The following PRKN variants were observed in gnomAD, a reference collection of about 807,000 sequenced individuals.
PRKN encodes the protein parkin RBR E3 ubiquitin protein ligase, also known as E3 ubiquitin-protein ligase parkin.
Under a neutral mutation model 59.5 loss-of-function variants are expected in PRKN, and 56 were observed. That is an observed-to-expected ratio of 0.94 (90% CI 0.76 to 1.18). The LOEUF (loss-of-function observed/expected upper bound fraction) is 1.18, where lower values mean the gene tolerates loss of function less well. PRKN is among the 50% of genes most tolerant of loss of function. The probability of loss-of-function intolerance (pLI) is 0.00; values close to 1 mark genes in which losing one functional copy is unlikely to be tolerated. For synonymous variants in PRKN, 250 were observed against 222.1 expected (o/e 1.13, Z -1.12); for missense variants, 657 against 596.4 (o/e 1.10, Z -1.06).
intron 5 of PRKN, among the ~76,000 whole-genome samples, chr6:162,011,089 TA>T (rs1162049615): frequency 3.0e-4 from 4 of 13,176 alleles, no homozygotes; most frequent in African/African-American, 1.4e-3. Context: ...ATATATATTA[TA>T]ATATATAATA....
At chr6:161,620,607 C>T (rs114925423) in intron 7 of PRKN, among the ~76,000 whole-genome samples, 1 of 152,058 alleles carries the variant, frequency 6.6e-6, no homozygotes, top group Non-Finnish European at 1.5e-5. Context: ...CAGAGGAATC[C>T]GAATCTCCAC....
rs1326651115 is a variant in PRKN at position 162,535,455 on chromosome 6, G to A, written c.8-91982C>T. On this transcript the variant is annotated intron_variant, in intron 1 of 11. Transcript: ENST00000366898. Reference sequence around the variant, plus strand: ...ACACATATATAATGACCTCATGCAAGATCATCTGTCTCTCAGAGTACCCAT... The same window carrying A: ...ACACATATATAATGACCTCATGCAAAATCATCTGTCTCTCAGAGTACCCAT... 1.3e-5 allele frequency among the ~76,000 whole-genome samples: 2 copies of A among 151,962 alleles called. 1 individual carries two copies. Among genetic ancestry groups the A allele is most frequent in the Non-Finnish European group, 2.9e-5 (2 of 68,008 alleles).
At chr6:162,248,569 T>C (rs569708850) in intron 3 of PRKN, among the ~76,000 whole-genome samples, 4 of 152,238 alleles carry the variant, frequency 2.6e-5, no homozygotes, top group African/African-American at 9.6e-5. Flanking sequence ...CTTCAAAGAA[T>C]AGACTCTTGG....
At position 161,359,985 on chromosome 6, in the gene PRKN, G is replaced by A; in HGVS notation, c.1285+103C>T. ...ATCGAGGGGTTACCCAACACACCAG[G>A]CACCTTCAGACAGCATCTCCTTTAA... On this transcript the variant is annotated intron_variant, in intron 11 of 11. Coordinates refer to ENST00000366898, the MANE Select transcript of PRKN (RefSeq NM_004562.3). This position sits in a 1 kb window ranked among gnomAD's most constrained non-coding sequence, Gnocchi z 5.4. The A allele has an allele frequency of 1.2e-6, 1 of 857,894 alleles. No homozygotes were observed. The highest frequency in any genetic ancestry group is 2.0e-6 in the Non-Finnish European group (1 of 493,108). 53.1% of individuals were successfully genotyped at this position (857,894 alleles called of 1,614,324 possible).
Position 162,329,287 on chromosome 6 carries a change from T to C in PRKN, c.172-66522A>G, listed in dbSNP as rs189719789. Among the ~76,000 whole-genome samples the C allele has an allele frequency of 1.1e-3, 173 of 152,222 alleles. 1 individual carries two copies. Among genetic ancestry groups the C allele is most frequent in the African/African-American group, 3.9e-3 (160 of 41,532 alleles). ...ACCCAGCAGTCCTTGAGCCAAGGTCTGGACCCTCAAAAGCAGTGGACGTGG... is the reference window on the plus strand; with the variant it reads ...ACCCAGCAGTCCTTGAGCCAAGGTCCGGACCCTCAAAAGCAGTGGACGTGG... On this transcript the variant is annotated intron_variant, in intron 2 of 11. Coordinates refer to ENST00000366898, the MANE Select transcript of PRKN (RefSeq NM_004562.3).
rs1299625915 is a variant in PRKN at position 162,010,617 on chromosome 6, T to TAG, written c.619-37201_619-37200insCT. 8.0e-4 allele frequency among the ~76,000 whole-genome samples: 5 copies of TAG among 6,226 alleles called. 1 individual carries two copies. Among genetic ancestry groups the TAG allele is most frequent in the African/African-American group, 2.9e-3 (1 of 346 alleles). The allele number at this position is 6,226 out of a possible 152,430, so 4.1% of individuals were successfully genotyped here. ...AATATAATATATATTATATAATATATTATATTATATATAATATATTATATA... is the reference window on the plus strand; with the variant it reads ...AATATAATATATATTATATAATATATAGTATATTATATATAATATATTATATA... On this transcript the variant is annotated intron_variant, in intron 5 of 11. Coordinates refer to ENST00000366898, the MANE Select transcript of PRKN (RefSeq NM_004562.3).
At chr6:162,378,447 C>A (rs1555013) in intron 2 of PRKN, among the ~76,000 whole-genome samples, 39,213 of 152,200 alleles carry the variant, frequency 0.26, 5,226 homozygotes, top group African/African-American at 0.27. Context: ...CCCTGGGGGC[C>A]TGAACACCCA....
At chr6:161,430,193 G>A (rs902897788) in intron 9 of PRKN, among the ~76,000 whole-genome samples, 33 of 152,120 alleles carry the variant, frequency 2.2e-4, no homozygotes, top group Non-Finnish European at 3.4e-4. Flanking sequence ...CCTCTGCTGC[G>A]GAAAGAGACA....
chr6:162,162,319 C>T (rs926829407), intron 4 of PRKN, among the ~76,000 whole-genome samples: 17 of 152,092 alleles, frequency 1.1e-4, no homozygotes, highest in East Asian at 5.8e-4. Flanking sequence ...GTAAAATATA[C>T]GGAAGGATAT....
intron 1 of PRKN, among the ~76,000 whole-genome samples, chr6:162,477,491 A>G (rs903161918): frequency 2.0e-5 from 3 of 152,196 alleles, no homozygotes; most frequent in Admixed American, 1.3e-4. Flanking sequence ...TGGCTTTATA[A>G]GAGTCGAGTT....
At chr6:162,393,534 ACAAGT>A (rs1787323206) in intron 2 of PRKN, among the ~76,000 whole-genome samples, 1 of 152,104 alleles carries the variant, frequency 6.6e-6, no homozygotes, top group East Asian at 1.9e-4. Context: ...GAACCCATAA[ACAAGT>A]CAATAGAGAT....
At chr6:162,003,770 A>G (rs954243313) in intron 5 of PRKN, among the ~76,000 whole-genome samples, 2 of 152,158 alleles carry the variant, frequency 1.3e-5, no homozygotes, top group Non-Finnish European at 2.9e-5. Flanking sequence ...CTTGTAAAGA[A>G]TATGTATTCT....
At chr6:162,313,640 A>G (rs1278374357) in intron 2 of PRKN, among the ~76,000 whole-genome samples, 1 of 152,080 alleles carries the variant, frequency 6.6e-6, no homozygotes, top group Non-Finnish European at 1.5e-5. Context: ...GGCGCGTACC[A>G]TCATGCCCGG....
intron 4 of PRKN, among the ~76,000 whole-genome samples, chr6:162,198,511 T>C (rs1784588319): frequency 6.6e-6 from 1 of 151,860 alleles, no homozygotes; most frequent in Non-Finnish European, 1.5e-5. Context: ...AGAATAACAA[T>C]AAAGAATTTT....
At chr6:162,363,618 A>C (rs1004291705) in intron 2 of PRKN, among the ~76,000 whole-genome samples, 9 of 248 alleles carry the variant, frequency 0.036, no homozygotes, top group African/African-American at 0.12. Context: ...AGACATCATC[A>C]TTGTTACTAT....
intron 3 of PRKN, among the ~76,000 whole-genome samples, chr6:162,202,154 T>G (rs750396583): frequency 2.6e-5 from 4 of 152,194 alleles, no homozygotes; most frequent in Admixed American, 6.5e-5. Flanking sequence ...GACATAAAAG[T>G]TTCTTTGAAA....
intron 2 of PRKN, among the ~76,000 whole-genome samples, chr6:162,364,995 T>G (rs1005329426): frequency 5.4e-5 from 8 of 147,936 alleles, no homozygotes; most frequent in African/African-American, 7.8e-5. Context: ...TTTTTTTTTT[T>G]GCCAATATGT....
chr6:161,927,457 A>G (rs1425666211), intron 6 of PRKN, among the ~76,000 whole-genome samples: 3 of 152,228 alleles, frequency 2.0e-5, no homozygotes, highest in Non-Finnish European at 4.4e-5. Context: ...AGAATAGAAG[A>G]AAATCAAAAG....
chr6:161,627,369 G>A (rs1783127569), intron 7 of PRKN, among the ~76,000 whole-genome samples: 1 of 152,194 alleles, frequency 6.6e-6, no homozygotes, highest in South Asian at 2.1e-4. Flanking sequence ...TTACCAGAAA[G>A]AGAACACCAT....
Sources: gnomAD v4.1 joint callset for allele counts (sites outside exome capture counted in the v4.1 genomes callset) on GRCh38, gnomAD v4.1.1 for gene constraint, Gnocchi (gnomAD v3.1) non-coding constraint, MANE v1.5 for transcripts, NCBI Gene and HGNC (gene_info 2026-07-23, HGNC 2026-07-21) for gene names.